Variants in ABI3BP observed in about 807,000 individuals in gnomAD.
The protein encoded by ABI3BP is ABI family member 3 binding protein, also known as target of Nesh-SH3.
In ABI3BP, 216 loss-of-function variants were observed where a neutral mutation model predicts 268.6. That is an observed-to-expected ratio of 0.80 (90% CI 0.72 to 0.90). The LOEUF is 0.90. ABI3BP is among the 40% of genes least tolerant of loss of function. ABI3BP has a pLI of 0.00. For synonymous variants in ABI3BP, 730 were observed against 730.0 expected (o/e 1.00, Z 0.00); for missense variants, 2,090 against 2,182.4 (o/e 0.96, Z 0.84).
chr3:100,833,871 G>A (rs1445215884), intron 29 of ABI3BP, among the ~76,000 whole-genome samples: 3 of 152,176 alleles, frequency 2.0e-5, no homozygotes, highest in Non-Finnish European at 2.9e-5. Context: ...CAATCAGGTT[G>A]CACTTGCAAT....
chr3:100,769,537 A>G (rs766533871), intron 62 of ABI3BP, among the ~76,000 whole-genome samples: 1 of 152,180 alleles, frequency 6.6e-6, no homozygotes, highest in Non-Finnish European at 1.5e-5. Flanking sequence ...ACCAGTTCCA[A>G]CTCAATGTTC....
intron 58 of ABI3BP, 23 bp downstream of exon 58, chr3:100,780,109 A>C (rs774478708): frequency 6.2e-7 from 1 of 1,610,014 alleles, no homozygotes; most frequent in Admixed American, 1.7e-5. Flanking sequence ...AGCTGTCATA[A>C]AAGTCAGCAT....
intron 29 of ABI3BP, among the ~76,000 whole-genome samples, 160 bp from the exon 30 acceptor site, chr3:100,833,317 A>G (rs974119731): frequency 2.6e-5 from 4 of 152,160 alleles, no homozygotes; most frequent in African/African-American, 9.6e-5. Context: ...GTACATATTT[A>G]TTTGCTTTTA....
At chr3:100,895,703 C>T (rs995456994) in intron 4 of ABI3BP, among the ~76,000 whole-genome samples, 6 of 152,124 alleles carry the variant, frequency 3.9e-5, no homozygotes, top group African/African-American at 1.4e-4. Context: ...ATTAATCTTC[C>T]AATTTTCAGA....
At chr3:100,894,173 G>A (rs1057064304) in intron 4 of ABI3BP, among the ~76,000 whole-genome samples, 3 of 152,010 alleles carry the variant, frequency 2.0e-5, no homozygotes, top group Non-Finnish European at 4.4e-5. Flanking sequence ...ATGTATCTTC[G>A]GGCCTTCATA....
At chr3:100,981,142 C>T (rs1031699545) in intron 1 of ABI3BP, among the ~76,000 whole-genome samples, 26 of 151,992 alleles carry the variant, frequency 1.7e-4, no homozygotes, top group Non-Finnish European at 3.2e-4. Flanking sequence ...TAAATGTGTG[C>T]TTTTCTAAGA....
At chr3:100,797,927 G>A (rs1327829760) in intron 51 of ABI3BP, among the ~76,000 whole-genome samples, 3 of 151,940 alleles carry the variant, frequency 2.0e-5, no homozygotes, top group Non-Finnish European at 4.4e-5. Flanking sequence ...TTTTTTTTGG[G>A]ATTCAAATAG....
At chr3:100,816,087 A>G in intron 43 of ABI3BP, 116 bp from the exon 44 acceptor site, 1 of 758,178 alleles carries the variant, frequency 1.3e-6, no homozygotes, top group South Asian at 2.0e-5. Flanking sequence ...AAAACTTTTG[A>G]ATTGATAGGC....
intron 1 of ABI3BP, chr3:100,952,680 G>A (rs1350661594): frequency 6.6e-6 from 1 of 152,122 alleles, no homozygotes; most frequent in Non-Finnish European, 1.5e-5. Flanking sequence ...GAGATGGTTA[G>A]CATGGCTCTT....
chr3:100,889,531 C>T (rs1212155250), intron 4 of ABI3BP, among the ~76,000 whole-genome samples: 1 of 152,052 alleles, frequency 6.6e-6, no homozygotes, highest in African/African-American at 2.4e-5. Context: ...CGTTAGTTGA[C>T]CCTTTTTCTG....
Position 100,850,619 on chromosome 3 carries a change from TG to T in ABI3BP, c.1426+40del, listed in dbSNP as rs2098826981. 3 of 1,470,886 alleles carry T rather than the reference TG, an allele frequency of 2.0e-6. No homozygotes were observed. In the African/African-American group the frequency reaches 4.2e-5, roughly 21 times the overall value. The allele number at this position is 1,470,886 out of a possible 1,614,324, so 91.1% of individuals were successfully genotyped here. ...AAGGCATTCACATGATTTTTTTTTT[TG>T]ATGGAAAATAAAGTATGATTTTTCT... On this transcript the variant is annotated intron_variant, in intron 16 of 67. Coordinates refer to ENST00000471714, the MANE Select transcript of ABI3BP (RefSeq NM_001375547.2).
chr3:100,914,557 C>A, intron 2 of ABI3BP: 2 of 389,172 alleles, frequency 5.1e-6, no homozygotes, highest in Non-Finnish European at 5.1e-6. Context: ...GTGCGGATGT[C>A]ACAAGAGAAG....
chr3:100,847,938 C>G (rs1053800853), intron 18 of ABI3BP, among the ~76,000 whole-genome samples: 1 of 152,138 alleles, frequency 6.6e-6, no homozygotes, highest in Admixed American at 6.5e-5. Flanking sequence ...GAATTGACCT[C>G]CAGGTTAATA....
chr3:100,897,791 GT>G (rs1561420545), intron 4 of ABI3BP, among the ~76,000 whole-genome samples: 1 of 152,040 alleles, frequency 6.6e-6, no homozygotes, highest in African/African-American at 2.4e-5. Context: ...CTCAATAAAT[GT>G]TTTTTATTCA....
chr3:100,864,142 G>C (rs1171666061), intron 11 of ABI3BP, 66 bp from the exon 12 acceptor site: 4 of 1,015,706 alleles, frequency 3.9e-6, no homozygotes, highest in South Asian at 2.7e-5. Flanking sequence ...GCTTAACCAT[G>C]ATCATGCACA....
At chr3:100,863,865 T>G in intron 12 of ABI3BP, 137 bp downstream of exon 12, 1 of 651,382 alleles carries the variant, frequency 1.5e-6, no homozygotes, top group Non-Finnish European at 2.6e-6. Flanking sequence ...AGAGCCTCTT[T>G]GGGATCCTAA....
At chr3:100,891,952 T>A (rs1471639629) in intron 4 of ABI3BP, among the ~76,000 whole-genome samples, 2 of 152,210 alleles carry the variant, frequency 1.3e-5, no homozygotes, top group African/African-American at 4.8e-5. Flanking sequence ...TGTGGCACTA[T>A]CCAGCCTGAA....
chr3:100,990,565 G>GTT (rs2092751398), intron 1 of ABI3BP, among the ~76,000 whole-genome samples: 1 of 147,826 alleles, frequency 6.8e-6, no homozygotes, highest in African/African-American at 2.5e-5. Flanking sequence ...ACTATATATG[G>GTT]TTATATATAT....
At chr3:100,947,980 A>T (rs1359741518) in intron 1 of ABI3BP, among the ~76,000 whole-genome samples, 1 of 152,124 alleles carries the variant, frequency 6.6e-6, no homozygotes, top group East Asian at 1.9e-4. Flanking sequence ...AAGTGTGCAT[A>T]TTGGGTGAAG....
Sources: allele counts gnomAD v4.1 joint callset (sites outside exome capture counted in the v4.1 genomes callset), GRCh38; gene constraint gnomAD v4.1.1; transcripts MANE v1.5; gene names NCBI Gene and HGNC (gene_info 2026-07-23, HGNC 2026-07-21).